Variants in ANKRD45 observed in about 807,000 individuals in gnomAD.
ANKRD45 encodes ankyrin repeat domain-containing protein 45.
In ANKRD45, 21 loss-of-function variants were observed where a neutral mutation model predicts 28.1. The ratio of observed to expected loss-of-function variants is 0.75; its 90% CI spans 0.53 to 1.08. The LOEUF is 1.08. Among genes scored for constraint, ANKRD45 ranks in the 50% least tolerant of loss-of-function variants. The probability of loss-of-function intolerance (pLI) is 0.00; values close to 1 mark genes in which losing one functional copy is unlikely to be tolerated. For missense variants in ANKRD45, 261 were observed against 308.7 expected (o/e 0.85, Z 1.16); for synonymous variants, 86 against 103.9 (o/e 0.83, Z 1.05).
chr1:173,697,528 A>G, the ANKRD45 span, among the ~76,000 whole-genome samples: 1 of 152,234 alleles, frequency 6.6e-6, no homozygotes, highest in South Asian at 2.1e-4. Flanking sequence ...CTTAAAGAAA[A>G]GAATGTTCAA....
At chr1:173,687,753 C>G in the ANKRD45 span, among the ~76,000 whole-genome samples, 4 of 152,232 alleles carry the variant, frequency 2.6e-5, no homozygotes, top group African/African-American at 7.2e-5. Context: ...CACATTTGAG[C>G]AGACCAATTA....
chr1:173,659,034 A>ACATTTG lies in ANKRD45; in HGVS notation c.328+56_328+57insCAAATG, dbSNP rs1267739360. ...AAATATATCTAACCTTAAAGATATTACATTGCATCTTTAGGTAGTCATAAG... is the reference window on the plus strand; with the variant it reads ...AAATATATCTAACCTTAAAGATATTACATTTGCATTGCATCTTTAGGTAGTCATAAG... On this transcript the variant is annotated intron_variant, in intron 2 of 5. Coordinates refer to ENST00000333279, the MANE Select transcript of ANKRD45 (RefSeq NM_198493.3). 1.9e-6 allele frequency: 3 copies of ACATTTG among 1,568,252 alleles called. No homozygotes were observed. The East Asian group carries it at 6.7e-5, about 35-fold the overall frequency.
intron 2 of ANKRD45, among the ~76,000 whole-genome samples, chr1:173,654,307 C>G (rs1340213748): frequency 6.6e-6 from 1 of 152,166 alleles, no homozygotes; most frequent in Admixed American, 6.5e-5. Context: ...GACAAAATCT[C>G]TCAGCATTTG....
chr1:173,683,783 A>G, the ANKRD45 span, among the ~76,000 whole-genome samples: 3 of 152,158 alleles, frequency 2.0e-5, no homozygotes, highest in Non-Finnish European at 4.4e-5. Context: ...GTTATATATA[A>G]AGTTTCAGTG....
At chr1:173,687,080 A>G in the ANKRD45 span, among the ~76,000 whole-genome samples, 1 of 152,242 alleles carries the variant, frequency 6.6e-6, no homozygotes, top group Admixed American at 6.5e-5. Context: ...TTCCTTTACA[A>G]TTAATGTTTT....
chr1:173,674,679 G>A (rs1346508529), upstream of ANKRD45, among the ~76,000 whole-genome samples: 1 of 152,182 alleles, frequency 6.6e-6, no homozygotes, highest in African/African-American at 2.4e-5. Context: ...AGAGACAAAT[G>A]GTTGCATTCT....
intron 3 of ANKRD45, among the ~76,000 whole-genome samples, chr1:173,640,578 T>TAAC (rs1454237439): frequency 1.3e-5 from 2 of 152,214 alleles, no homozygotes; most frequent in African/African-American, 4.8e-5. Flanking sequence ...ATTCTGTTAC[T>TAAC]AGCTCCTTTG....
the ANKRD45 span, among the ~76,000 whole-genome samples, chr1:173,678,325 G>C: frequency 6.6e-6 from 1 of 152,126 alleles, no homozygotes; most frequent in Non-Finnish European, 1.5e-5. Flanking sequence ...TAAAGTACTG[G>C]CAAAGCGAAT....
At chr1:173,656,178 T>G (rs1669502362) in intron 2 of ANKRD45, among the ~76,000 whole-genome samples, 1 of 152,230 alleles carries the variant, frequency 6.6e-6, no homozygotes, top group Admixed American at 6.5e-5. Flanking sequence ...ATCACCCGTC[T>G]TCTGCGTCGA....
At chr1:173,673,603 A>T (rs1670327186), upstream of ANKRD45, among the ~76,000 whole-genome samples, 2 of 152,128 alleles carry the variant, frequency 1.3e-5, no homozygotes, top group African/African-American at 4.8e-5. Flanking sequence ...TCCTTATAGC[A>T]ACTCTATAAG....
At chr1:173,651,678 C>T (rs1669229669) in intron 2 of ANKRD45, among the ~76,000 whole-genome samples, 1 of 152,118 alleles carries the variant, frequency 6.6e-6, no homozygotes, top group Non-Finnish European at 1.5e-5. Context: ...CTATAAATCA[C>T]CTTGAGCAGT....
chr1:173,632,959 T>C (rs1010979767), intron 3 of ANKRD45, among the ~76,000 whole-genome samples: 2 of 152,024 alleles, frequency 1.3e-5, no homozygotes, highest in Non-Finnish European at 2.9e-5. Flanking sequence ...ATGCCCACTT[T>C]CACCACTGTT....
At position 173,659,209 on chromosome 1, in the gene ANKRD45, G is replaced by A; in HGVS notation, c.210C>T (p.Leu70=). The change falls in exon 2 of 6, where the codon CTC becomes CTT. Residue 70 remains leucine (L), a synonymous_variant. Transcript: ENST00000333279. ...TTCTCCCAACGATGTCTTCTTCTAA[G>A]AGAAGCTGCATGGCCTGTTCATGAT... The part of the protein sequence containing the change: ...NPHHEQAMQL[L]LEEDIVGRNL... 6.2e-7 allele frequency: 1 copy of A among 1,614,086 alleles called. No homozygotes were observed. Among genetic ancestry groups the A allele is most frequent in the Non-Finnish European group, 8.5e-7 (1 of 1,180,014 alleles).
chr1:173,608,476 T>C lies in ANKRD45; in HGVS notation c.*1669A>G, dbSNP rs778579484. On this transcript the variant is annotated 3_prime_UTR_variant, in exon 6 of 6. Transcript: ENST00000333279. Reference sequence around the variant, plus strand: ...GGGATTACAGGCACGTGCCACCACATACAGCTAAATTTTTGTATTTTTAGT... The same window carrying C: ...GGGATTACAGGCACGTGCCACCACACACAGCTAAATTTTTGTATTTTTAGT... Among the ~76,000 whole-genome samples the C allele has an allele frequency of 6.6e-6, 1 of 151,896 alleles. No individual in the cohort carries two copies. The highest frequency in any genetic ancestry group is 2.4e-5 in the African/African-American group (1 of 41,364).
rs772094509 is a variant in ANKRD45, at chr1:173,610,215, C to T, written c.731G>A (p.Cys244Tyr). 2 of 1,613,570 alleles carry T rather than the reference C, an allele frequency of 1.2e-6. No homozygotes were observed. Among genetic ancestry groups the T allele is most frequent in the Non-Finnish European group, 8.5e-7 (1 of 1,179,652 alleles). Residue 244 changes from cysteine (C) to tyrosine (Y), a missense_variant and splice_region_variant, in exon 6 of 6, where the codon TGT becomes TAT. By Grantham distance (194) the Cys-to-Tyr change is radical. Coordinates refer to ENST00000333279, the MANE Select transcript of ANKRD45 (RefSeq NM_198493.3). ...TACAGATTTGGCACTTTTCACTTGA[C>T]CTGAAAGGAAACAGATTTTAAAATT... is the stretch of plus-strand genomic sequence containing the variant. ...TPIFTKMTTP[C>Y]QVKSAKSVTS...
intron 5 of ANKRD45, among the ~76,000 whole-genome samples, chr1:173,613,108 G>C (rs939177036): frequency 2.6e-5 from 4 of 151,534 alleles, no homozygotes; most frequent in African/African-American, 7.3e-5. Context: ...GAAGTGAAGA[G>C]CGCCTCTTCC....
intron 1 of ANKRD45, among the ~76,000 whole-genome samples, chr1:173,668,911 A>C (rs1320694208): frequency 6.6e-6 from 1 of 152,214 alleles, no homozygotes; most frequent in Non-Finnish European, 1.5e-5. Flanking sequence ...TTTAGTCTTG[A>C]TTCTGTTACT....
At position 173,622,016 on chromosome 1, in the gene ANKRD45, G is replaced by C. The variant is rs570347926; in HGVS notation, c.730+2771C>G. On this transcript the variant is annotated intron_variant, in intron 5 of 5. Coordinates refer to ENST00000333279, the MANE Select transcript of ANKRD45 (RefSeq NM_198493.3). The stretch of plus-strand genomic sequence containing the variant: ...CTAGCATTTTTATACACCAACAACA[G>C]GCAAGCAGAGAGCCAAATCATGAAT... 2.2e-4 allele frequency among the ~76,000 whole-genome samples: 34 copies of C among 152,102 alleles called. 1 individual carries two copies. In the South Asian group the frequency reaches 7.1e-3, roughly 32 times the overall value.
At chr1:173,683,979 A>G in the ANKRD45 span, among the ~76,000 whole-genome samples, 6 of 152,176 alleles carry the variant, frequency 3.9e-5, no homozygotes, top group African/African-American at 1.4e-4. Flanking sequence ...CCTATTGGCT[A>G]GGGTTAGACC....
Sources: allele counts gnomAD v4.1 joint callset (sites outside exome capture counted in the v4.1 genomes callset), GRCh38; gene constraint gnomAD v4.1.1; transcripts MANE v1.5; gene names NCBI Gene and HGNC (gene_info 2026-07-23, HGNC 2026-07-21).